The following MALRD1 variants were observed in gnomAD, a reference collection of about 807,000 sequenced individuals.
MALRD1 encodes the protein MAM and LDL receptor class A domain containing 1.
In MALRD1, 247 loss-of-function variants were observed where a neutral mutation model predicts 242.1. The observed-to-expected ratio is 1.02, with a 90% CI of 0.92 to 1.13. MALRD1 has a LOEUF of 1.13. Ranked by LOEUF, MALRD1 falls within the 50% of genes most tolerant of loss-of-function variation. MALRD1 has a pLI of 0.00. For synonymous variants in MALRD1, 995 were observed against 866.6 expected, an observed-to-expected ratio of 1.15 and a Z score of -2.60; for missense variants, 2,989 against 2,533.1, an observed-to-expected ratio of 1.18 and a Z score of -3.86.
At chr10:19,590,753 G>A (rs969670932) in intron 33 of MALRD1, among the ~76,000 whole-genome samples, 1 of 152,028 alleles carries the variant, frequency 6.6e-6, no homozygotes, top group African/African-American at 2.4e-5. Flanking sequence ...TTCTACAGCA[G>A]TTTTAGGTTC....
chr10:19,652,295 G>A lies in MALRD1; in HGVS notation c.6137+36372G>A, dbSNP rs531985314. Among the ~76,000 whole-genome samples, 7 of 152,242 alleles carry A rather than the reference G, an allele frequency of 4.6e-5. No homozygotes were observed. The East Asian group carries it at 1.2e-3, about 25-fold the overall frequency. On this transcript the variant is annotated intron_variant, in intron 36 of 39. Coordinates refer to ENST00000454679, the MANE Select transcript of MALRD1 (RefSeq NM_001142308.3). ...GAGGTGAATATTGAACAATAAATAC[G>A]TGCTTACTAAATAGGCAAGCAATTA...
chr10:19,362,204 T>C (rs778552573), intron 26 of MALRD1, among the ~76,000 whole-genome samples: 1 of 152,122 alleles, frequency 6.6e-6, no homozygotes, highest in Non-Finnish European at 1.5e-5. Flanking sequence ...CTTCAGTGTA[T>C]CCAATTTACT....
intron 35 of MALRD1, among the ~76,000 whole-genome samples, chr10:19,608,115 ATGTT>A (rs1838725588): frequency 6.6e-6 from 1 of 152,136 alleles, no homozygotes; most frequent in African/African-American, 2.4e-5. Flanking sequence ...GTTCTACACA[ATGTT>A]TGATAAGAAA....
intron 33 of MALRD1, among the ~76,000 whole-genome samples, chr10:19,593,691 A>G (rs1837932257): frequency 6.6e-6 from 1 of 152,204 alleles, no homozygotes; most frequent in Non-Finnish European, 1.5e-5. Context: ...CTTTAGAAAC[A>G]TGAGATAGTC....
intron 12 of MALRD1, among the ~76,000 whole-genome samples, chr10:19,160,193 G>C (rs1331990648): frequency 1.3e-5 from 2 of 152,008 alleles, no homozygotes; most frequent in Non-Finnish European, 2.9e-5. Context: ...TTTTGTCAAA[G>C]GCTTTTTCTG....
At chr10:19,230,356 G>A (rs1588732822) in intron 18 of MALRD1, among the ~76,000 whole-genome samples, 1 of 152,110 alleles carries the variant, frequency 6.6e-6, no homozygotes, top group Non-Finnish European at 1.5e-5. Context: ...TCTGCAGGCT[G>A]TACATGAAGC....
rs190178792 is a variant in MALRD1 at position 19,155,461 on chromosome 10, T to C, written c.1656+289T>C. ...TGTGGATACGTGTTGCCAAAATTTT[T>C]GGCCAACAGTGTACATTGAGAAAAA... On this transcript the variant is annotated intron_variant, in intron 12 of 39. Coordinates refer to ENST00000454679, the MANE Select transcript of MALRD1 (RefSeq NM_001142308.3). Among the ~76,000 whole-genome samples the C allele has an allele frequency of 4.1e-3, 632 of 152,342 alleles. 7 individuals are homozygous for C. The highest frequency in any genetic ancestry group is 0.014 in the African/African-American group (598 of 41,576).
chr10:19,142,654 TTAAAA>T (rs1833592177), intron 10 of MALRD1, among the ~76,000 whole-genome samples: 1 of 152,170 alleles, frequency 6.6e-6, no homozygotes. Context: ...TCACAGAAAG[TTAAAA>T]TAAAGGCAAC....
At position 19,136,640 on chromosome 10, in the gene MALRD1, GCCTGTGGACAGA is replaced by G. The variant is rs1485221944; in HGVS notation, c.1273_1284del (p.Cys425_Thr428del). 2 of 1,231,416 alleles carry G rather than the reference GCCTGTGGACAGA, an allele frequency of 1.6e-6. No homozygotes were observed. The highest frequency in any genetic ancestry group is 2.0e-6 in the Non-Finnish European group (2 of 987,874). The allele number at this position is 1,231,416 out of a possible 1,614,324, so 76.3% of individuals were successfully genotyped here. The stretch of plus-strand genomic sequence containing the variant: ...TGCCCTTGATCACCTCTGGGTCTAT[GCCTGTGGACAGA>G]CCCAATCCAGAAAGCTTTGCTCTGC... On this transcript the variant is annotated inframe_deletion, in exon 10 of 40. Transcript: ENST00000454679.
chr10:19,306,536 T>C (rs1487027435), intron 21 of MALRD1, among the ~76,000 whole-genome samples: 1 of 147,670 alleles, frequency 6.8e-6, no homozygotes, highest in South Asian at 2.1e-4. Context: ...GTATATATAC[T>C]GTGTATAGTA....
At chr10:19,465,296 A>G (rs1019569076) in intron 29 of MALRD1, among the ~76,000 whole-genome samples, 2 of 152,092 alleles carry the variant, frequency 1.3e-5, no homozygotes, top group Admixed American at 6.6e-5. Context: ...ACGGTTCTCA[A>G]AGGGAATGCT....
At chr10:19,109,377 T>C (rs1311038527) in intron 5 of MALRD1, among the ~76,000 whole-genome samples, 1 of 152,196 alleles carries the variant, frequency 6.6e-6, no homozygotes, top group Non-Finnish European at 1.5e-5. Flanking sequence ...CTGATGTTCA[T>C]GGTGCCAGAC....
intron 35 of MALRD1, among the ~76,000 whole-genome samples, chr10:19,608,584 A>G (rs1027523314): frequency 5.9e-5 from 9 of 152,124 alleles, no homozygotes; most frequent in African/African-American, 1.9e-4. Flanking sequence ...TAACTAAAGG[A>G]TAATATAAAT....
chr10:19,672,574 C>G (rs971755776), intron 36 of MALRD1, among the ~76,000 whole-genome samples: 1 of 151,994 alleles, frequency 6.6e-6, no homozygotes, highest in African/African-American at 2.4e-5. Context: ...CAGGTGCACA[C>G]CACCATGCCC....
intron 34 of MALRD1, among the ~76,000 whole-genome samples, chr10:19,597,707 G>A (rs1038819476): frequency 1.3e-5 from 2 of 152,154 alleles, no homozygotes; most frequent in African/African-American, 2.4e-5. Context: ...CATTAGTGAA[G>A]GAGGCTAGTC....
chr10:19,508,787 G>C (rs935245884), intron 31 of MALRD1, among the ~76,000 whole-genome samples: 1 of 152,084 alleles, frequency 6.6e-6, no homozygotes, highest in Admixed American at 6.6e-5. Flanking sequence ...TGTGGCTCAC[G>C]TTATGTTTTA....
intron 26 of MALRD1, among the ~76,000 whole-genome samples, chr10:19,364,997 A>G (rs1241032592): frequency 1.3e-5 from 2 of 152,144 alleles, no homozygotes; most frequent in Non-Finnish European, 2.9e-5. Context: ...CCACCACATC[A>G]TCTGCTTTCA....
chr10:19,129,814 A>C (rs1303268296), intron 8 of MALRD1, among the ~76,000 whole-genome samples: 1 of 149,182 alleles, frequency 6.7e-6, no homozygotes, highest in African/African-American at 2.4e-5. Context: ...TGATTCACAT[A>C]ATTACATCTA....
intron 31 of MALRD1, among the ~76,000 whole-genome samples, chr10:19,526,365 A>ATACATATATATATATAT (rs10695324): frequency 6.7e-6 from 1 of 148,966 alleles, no homozygotes; most frequent in African/African-American, 2.5e-5. Context: ...CCAAAAAAAA[A>ATACATATATATATATAT]ATACATATAT....
Sources: allele counts gnomAD v4.1 joint callset (sites outside exome capture counted in the v4.1 genomes callset), GRCh38; gene constraint gnomAD v4.1.1; transcripts MANE v1.5; gene names NCBI Gene and HGNC (gene_info 2026-07-23, HGNC 2026-07-21).